Variants in RWDD2B observed in about 807,000 individuals in gnomAD.
RWDD2B encodes the protein RWD domain-containing protein 2B.
In RWDD2B, 36 loss-of-function variants were observed where a neutral mutation model predicts 33.6. The ratio of observed to expected loss-of-function variants is 1.07; its 90% confidence interval spans 0.82 to 1.42. The LOEUF (loss-of-function observed/expected upper bound fraction) is 1.42. RWDD2B is among the 40% of genes most tolerant of loss of function. RWDD2B has a pLI of 0.00. For synonymous variants in RWDD2B, 126 were observed against 133.1 expected (o/e 0.95, Z 0.37); for missense variants, 364 against 377.5 (o/e 0.96, Z 0.30).
intron 1 of RWDD2B, among the ~76,000 whole-genome samples, chr21:29,011,957 G>A (rs8128408): frequency 1.1e-5 from 1 of 87,996 alleles, no homozygotes; most frequent in East Asian, 4.5e-4. Flanking sequence ...GTCAGCCCCC[G>A]ACCCGGCCAG....
chr21:29,017,406 G>A (rs1481194805), intron 1 of RWDD2B, among the ~76,000 whole-genome samples: 1 of 151,754 alleles, frequency 6.6e-6, no homozygotes, highest in Non-Finnish European at 1.5e-5. Context: ...AAGGTCAGGA[G>A]TTTGAGACCA....
intron 1 of RWDD2B, among the ~76,000 whole-genome samples, chr21:29,010,935 G>A (rs2084854861): frequency 6.6e-6 from 1 of 152,252 alleles, no homozygotes; most frequent in Non-Finnish European, 1.5e-5. Flanking sequence ...CTCCCGAGAT[G>A]CGGGGATTGC....
At position 29,012,186 on chromosome 21, in the gene RWDD2B, C is replaced by G. The variant is rs1473970238; in HGVS notation, c.68-3565G>C. Among the ~76,000 whole-genome samples, 5 of 145,322 alleles carry G rather than the reference C, an allele frequency of 3.4e-5. 1 individual carries two copies. Among genetic ancestry groups the G allele is most frequent in the Admixed American group, 1.3e-4 (2 of 14,836 alleles). On this transcript the variant is annotated intron_variant, in intron 1 of 4. Coordinates refer to ENST00000493196, the MANE Select transcript of RWDD2B (RefSeq NM_016940.3). ...GAGGTGGGGGTGGTCAGCCCCCCCC[C>G]GGGAGGTGAGGGGCGCCTCTGCCCG...
chr21:29,015,110 T>C (rs1243881808), intron 1 of RWDD2B, among the ~76,000 whole-genome samples: 2 of 152,090 alleles, frequency 1.3e-5, no homozygotes, highest in Non-Finnish European at 2.9e-5. Context: ...CTCTGGTGAC[T>C]GATGAGAAAT....
chr21:29,016,102 T>C (rs1308702360), intron 1 of RWDD2B, among the ~76,000 whole-genome samples: 3 of 152,192 alleles, frequency 2.0e-5, no homozygotes, highest in Admixed American at 1.3e-4. Context: ...TCATAAAAGA[T>C]GGTGGGTAGC....
chr21:29,008,267 G>C lies in RWDD2B; in HGVS notation c.335C>G (p.Pro112Arg). The change falls in exon 3 of 5, where the codon CCG (proline) becomes CGG (arginine). Residue 112 changes from proline to arginine, a missense_variant. Coordinates refer to ENST00000493196, the MANE Select transcript of RWDD2B (RefSeq NM_016940.3). ...SLACILPFKY[P>R]AVLPEITVRS... is the part of the protein sequence containing the mutation. ...GACAGTAATTTCAGGCAGAACTGCC[G>C]GGTATTTAAAGGGAAGAATACAGGC... 6.2e-7 allele frequency: 1 copy of C among 1,614,158 alleles called. No homozygotes were observed. Among genetic ancestry groups the C allele is most frequent in the South Asian group, 1.1e-5 (1 of 91,082 alleles).
chr21:29,007,442 CT>C (rs2084833885), intron 4 of RWDD2B, among the ~76,000 whole-genome samples: 1 of 152,182 alleles, frequency 6.6e-6, no homozygotes, highest in Non-Finnish European at 1.5e-5. Context: ...AGAAATGTAT[CT>C]TTAGGCTATT....
chr21:29,010,620 T>TA (rs757933131), intron 1 of RWDD2B, among the ~76,000 whole-genome samples: 20,248 of 118,704 alleles, frequency 0.17, 2,458 homozygotes, highest in African/African-American at 0.36. Context: ...AAAATAAAAA[T>TA]AAAAAAAAAA....
Position 29,006,374 on chromosome 21 carries a change from C to A in RWDD2B, c.*43G>T, listed in dbSNP as rs1375957426. On this transcript the variant is annotated 3_prime_UTR_variant, in exon 5 of 5. Coordinates refer to ENST00000493196, the MANE Select transcript of RWDD2B (RefSeq NM_016940.3). Reference sequence around the variant, plus strand: ...TCAAGAAAAAGTGGGAAAAAAAAATCAAAAGGCCAACAGTGGCAAGATACT... The same window carrying A: ...TCAAGAAAAAGTGGGAAAAAAAAATAAAAAGGCCAACAGTGGCAAGATACT... 3.9e-6 allele frequency: 5 copies of A among 1,292,870 alleles called. No individual in the cohort carries two copies. The highest frequency in any genetic ancestry group is 5.4e-6 in the Non-Finnish European group (5 of 930,946). 80.1% of individuals were successfully genotyped at this position (1,292,870 alleles called of 1,614,324 possible).
intron 1 of RWDD2B, among the ~76,000 whole-genome samples, chr21:29,012,981 T>G (rs2084871922): frequency 6.6e-6 from 1 of 152,192 alleles, no homozygotes; most frequent in Non-Finnish European, 1.5e-5. Context: ...CTATATGTAT[T>G]TGAGTCTTTT....
At chr21:29,010,631 AACC>A (rs2084852543) in intron 1 of RWDD2B, among the ~76,000 whole-genome samples, 2 of 141,374 alleles carry the variant, frequency 1.4e-5, no homozygotes, top group South Asian at 2.3e-4. Flanking sequence ...AAAAAAAAAA[AACC>A]AAAAAAAACC....
chr21:29,011,605 C>G (rs1316965412), intron 1 of RWDD2B, among the ~76,000 whole-genome samples: 1 of 142,414 alleles, frequency 7.0e-6, no homozygotes, highest in Non-Finnish European at 1.5e-5. Flanking sequence ...GTCAGCCCCC[C>G]ACCCGGCCAG....
chr21:29,012,727 A>G (rs1293714746), intron 1 of RWDD2B, among the ~76,000 whole-genome samples: 1 of 152,012 alleles, frequency 6.6e-6, no homozygotes, highest in Non-Finnish European at 1.5e-5. Context: ...TCCTGTGACC[A>G]TGCCCAATCC....
At chr21:29,012,413 T>C (rs545296840) in intron 1 of RWDD2B, among the ~76,000 whole-genome samples, 22 of 152,124 alleles carry the variant, frequency 1.4e-4, no homozygotes, top group Non-Finnish European at 2.6e-4. Flanking sequence ...AGACTTTTCA[T>C]TTTGTTCTGT....
chr21:29,017,940 C>T (rs1048686155), intron 1 of RWDD2B, among the ~76,000 whole-genome samples: 1 of 152,288 alleles, frequency 6.6e-6, no homozygotes, highest in East Asian at 1.9e-4. Context: ...AAATGTGGGG[C>T]AGTTTATGTT....
rs200070841 is a variant in RWDD2B, at chr21:29,008,404, G to A, written c.285C>T (p.Asp95=). ...AGCAAAACTGAATTACCATTTTTTCGTCAGATACATCCAGGTTCATATTGA... is the reference window on the plus strand; with the variant it reads ...AGCAAAACTGAATTACCATTTTTTCATCAGATACATCCAGGTTCATATTGA... ...FTINMNLDVS[D]EKMAMFSLAC... is the part of the protein sequence containing the mutation. The change falls in exon 2 of 5, where the codon GAC becomes GAT. Residue 95 remains aspartate, a synonymous_variant. Transcript: ENST00000493196. The A allele has an allele frequency of 1.3e-4, 202 of 1,612,378 alleles. No homozygotes were observed. The highest frequency in any genetic ancestry group is 1.6e-4 in the Middle Eastern group (1 of 6,070).
intron 1 of RWDD2B, among the ~76,000 whole-genome samples, chr21:29,011,775 GC>G (rs1312287972): frequency 7.5e-6 from 1 of 132,880 alleles, no homozygotes; most frequent in Non-Finnish European, 1.6e-5. Context: ...GGGGGGGTCA[GC>G]CCCCCGCCCG....
chr21:29,008,730 A>G, intron 1 of RWDD2B, 109 bp from the exon 2 acceptor site: 1 of 710,546 alleles, frequency 1.4e-6, no homozygotes, highest in Non-Finnish European at 2.3e-6. Flanking sequence ...CATAAATTGT[A>G]CAATTTAATT....
intron 1 of RWDD2B, among the ~76,000 whole-genome samples, chr21:29,017,239 TG>T (rs2084894896): frequency 6.6e-6 from 1 of 152,114 alleles, no homozygotes; most frequent in Non-Finnish European, 1.5e-5. Flanking sequence ...GTTCAAGCAC[TG>T]GCACTAAGAT....
Sources: gnomAD v4.1 joint callset for allele counts (sites outside exome capture counted in the v4.1 genomes callset) on GRCh38, gnomAD v4.1.1 for gene constraint, MANE v1.5 for transcripts, NCBI Gene and HGNC (gene_info 2026-07-23, HGNC 2026-07-21) for gene names.